The following IBTK variants were observed in gnomAD, a reference collection of about 807,000 sequenced individuals.
IBTK encodes BTK-binding protein.
Under a neutral mutation model 154.9 loss-of-function variants are expected in IBTK, and 83 were observed. The observed-to-expected ratio is 0.54, with a 90% CI of 0.45 to 0.64. The LOEUF (loss-of-function observed/expected upper bound fraction) is 0.64. IBTK is among the 30% of genes least tolerant of loss of function. The probability of loss-of-function intolerance (pLI) is 0.00; values close to 1 mark genes in which losing one functional copy is unlikely to be tolerated. For synonymous variants in IBTK, 515 were observed against 536.1 expected, an observed-to-expected ratio of 0.96 and a Z score of 0.54; for missense variants, 1,332 against 1,584.6, an observed-to-expected ratio of 0.84 and a Z score of 2.71.
At chr6:82,192,800 T>C (rs907295607) in intron 23 of IBTK, among the ~76,000 whole-genome samples, 1 of 146,342 alleles carries the variant, frequency 6.8e-6, no homozygotes, top group Non-Finnish European at 1.5e-5. Flanking sequence ...AAATCTACAC[T>C]ACAGATAAAA....
chr6:82,170,459 G>C lies in IBTK; in HGVS notation c.*966C>G, dbSNP rs1325310864. 6.6e-6 allele frequency: 1 copy of C among 151,998 alleles called. No individual in the cohort carries two copies. The highest frequency in any genetic ancestry group is 1.5e-5 in the Non-Finnish European group (1 of 67,996). 9.4% of individuals were successfully genotyped at this position (151,998 alleles called of 1,614,324 possible). A position where few individuals can be genotyped will look rare whatever the true frequency, so the allele number is the denominator to read the frequency against. Reference sequence around the variant, plus strand: ...AAGCACAAATTTAACATTTGTTTTTGCAAAATTTAAACACTCAGAAACAAA... The same window carrying C: ...AAGCACAAATTTAACATTTGTTTTTCCAAAATTTAAACACTCAGAAACAAA... On this transcript the variant is annotated 3_prime_UTR_variant, in exon 29 of 29. Coordinates refer to ENST00000306270, the MANE Select transcript of IBTK (RefSeq NM_015525.4).
chr6:82,222,617 T>C (rs1562098530), intron 8 of IBTK, among the ~76,000 whole-genome samples: 1 of 152,196 alleles, frequency 6.6e-6, no homozygotes, highest in Non-Finnish European at 1.5e-5. Context: ...TCAAAATGTA[T>C]TAAAAATGTA....
intron 4 of IBTK, among the ~76,000 whole-genome samples, chr6:82,227,955 A>G (rs995263196): frequency 3.3e-5 from 5 of 151,948 alleles, no homozygotes; most frequent in African/African-American, 4.8e-5. Flanking sequence ...ACACAGACTT[A>G]CTATTCACAT....
intron 25 of IBTK, among the ~76,000 whole-genome samples, chr6:82,187,232 C>A (rs1470173335): frequency 1.3e-5 from 2 of 152,040 alleles, no homozygotes; most frequent in African/African-American, 2.4e-5. Flanking sequence ...TTATCAAATT[C>A]TTTTCAAAGA....
chr6:82,184,981 G>C (rs545667835), intron 25 of IBTK, among the ~76,000 whole-genome samples: 1 of 151,704 alleles, frequency 6.6e-6, no homozygotes, highest in Admixed American at 6.6e-5. Context: ...TCAGGAGTTC[G>C]AAACCAGCCT....
intron 2 of IBTK, among the ~76,000 whole-genome samples, chr6:82,237,550 T>TAGTAGC (rs1457169561): frequency 6.7e-6 from 1 of 149,328 alleles, no homozygotes; most frequent in African/African-American, 2.5e-5. Flanking sequence ...GTAGTAGTAG[T>TAGTAGC]AGCAGCAGCA....
At chr6:82,215,655 C>A (rs140435753) in intron 11 of IBTK, among the ~76,000 whole-genome samples, 48 of 151,532 alleles carry the variant, frequency 3.2e-4, no homozygotes, top group African/African-American at 1.1e-3. Context: ...GGTGTGGTGG[C>A]GGGCACCTGT....
At chr6:82,187,357 G>A (rs924233377) in intron 25 of IBTK, among the ~76,000 whole-genome samples, 1 of 152,070 alleles carries the variant, frequency 6.6e-6, no homozygotes, top group African/African-American at 2.4e-5. Context: ...TCCCTTCAAT[G>A]TGGCACTCTA....
At chr6:82,236,352 A>G (rs987877913) in intron 2 of IBTK, among the ~76,000 whole-genome samples, 3 of 152,216 alleles carry the variant, frequency 2.0e-5, no homozygotes, top group Non-Finnish European at 2.9e-5. Context: ...CACAGACAGT[A>G]TATTATTTAA....
At chr6:82,234,069 C>T in intron 3 of IBTK, 90 bp downstream of exon 3, 1 of 474,322 alleles carries the variant, frequency 2.1e-6, no homozygotes, top group South Asian at 3.5e-5. Flanking sequence ...GAACTCCTGA[C>T]CTGAAGTGAT....
chr6:82,234,339 AT>A (rs370999079), intron 2 of IBTK, 84 bp from the exon 3 acceptor site: 29,100 of 343,440 alleles, frequency 0.085, 143 homozygotes, highest in Non-Finnish European at 0.094. Context: ...TTTTATTATT[AT>A]TTTTTTTTTT....
chr6:82,237,249 GAA>G (rs964355788), intron 2 of IBTK, among the ~76,000 whole-genome samples: 1 of 138,488 alleles, frequency 7.2e-6, no homozygotes, highest in Non-Finnish European at 1.6e-5. Flanking sequence ...AGCAGAAACT[GAA>G]AAAAAAAAAG....
At chr6:82,197,373 ATT>A (rs11422131) in intron 21 of IBTK, among the ~76,000 whole-genome samples, 2 of 138,414 alleles carry the variant, frequency 1.4e-5, no homozygotes. Flanking sequence ...ATCTTTTTGA[ATT>A]TTTTTTTTTT....
chr6:82,246,441 C>CTTTTTTTTTTTT (rs1554189129), intron 1 of IBTK, among the ~76,000 whole-genome samples: 2 of 111,682 alleles, frequency 1.8e-5, no homozygotes, highest in African/African-American at 3.5e-5. Flanking sequence ...TTACAGGCAT[C>CTTTTTTTTTTTT]TTTTTTTTTT....
chr6:82,232,152 C>T (rs1331439045), intron 3 of IBTK, among the ~76,000 whole-genome samples: 12 of 151,920 alleles, frequency 7.9e-5, no homozygotes, highest in Non-Finnish European at 1.8e-4. Context: ...ACCTCGGCCC[C>T]CCAAAGTGCT....
intron 25 of IBTK, among the ~76,000 whole-genome samples, chr6:82,189,776 A>G (rs1406580514): frequency 6.6e-6 from 1 of 152,254 alleles, no homozygotes; most frequent in African/African-American, 2.4e-5. Flanking sequence ...TGGCATGCTT[A>G]CAGCTATATT....
At chr6:82,232,004 G>C (rs188103011) in intron 3 of IBTK, among the ~76,000 whole-genome samples, 162 bp from the exon 4 acceptor site, 1 of 151,640 alleles carries the variant, frequency 6.6e-6, no homozygotes, top group Admixed American at 6.6e-5. Flanking sequence ...CATAGTACAG[G>C]CCTGTCTCAA....
At chr6:82,233,635 C>A (rs1003707625) in intron 3 of IBTK, among the ~76,000 whole-genome samples, 6 of 142,152 alleles carry the variant, frequency 4.2e-5, no homozygotes, top group African/African-American at 1.6e-4. Context: ...ATAAATTTCC[C>A]CACTACTTTA....
At chr6:82,232,123 G>A (rs534879853) in intron 3 of IBTK, among the ~76,000 whole-genome samples, 7 of 151,138 alleles carry the variant, frequency 4.6e-5, no homozygotes, top group East Asian at 1.9e-4. Flanking sequence ...TTCACCTCAC[G>A]GGCTCAAGTG....
Sources: gnomAD v4.1 joint callset for allele counts (sites outside exome capture counted in the v4.1 genomes callset) on GRCh38, gnomAD v4.1.1 for gene constraint, MANE v1.5 for transcripts, NCBI Gene and HGNC (gene_info 2026-07-23, HGNC 2026-07-21) for gene names.